The following ATCAY variants were observed in gnomAD, a reference collection of about 807,000 sequenced individuals.
ATCAY encodes caytaxin.
ATCAY carries 22 observed loss-of-function variants against 47.7 expected under a neutral mutation model. The observed-to-expected ratio is 0.46, with a 90% CI of 0.33 to 0.66. The LOEUF (loss-of-function observed/expected upper bound fraction) is 0.66, where lower values mean the gene tolerates loss of function less well. Among genes scored for constraint, ATCAY ranks in the 30% least tolerant of loss-of-function variants. The pLI is 0.02. For synonymous variants in ATCAY, 216 were observed against 207.6 expected, an observed-to-expected ratio of 1.04 and a Z score of -0.35; for missense variants, 452 against 515.0, an observed-to-expected ratio of 0.88 and a Z score of 1.18.
intron 2 of ATCAY, chr19:3,895,026 T>C: frequency 2.5e-6 from 1 of 404,486 alleles, no homozygotes; most frequent in Non-Finnish European, 5.1e-6. Context: ...TTTCTCTCTC[T>C]CTCCTCTCCT....
chr19:3,904,398 G>A (rs1299482901), intron 3 of ATCAY, among the ~76,000 whole-genome samples: 1 of 152,182 alleles, frequency 6.6e-6, no homozygotes, highest in Non-Finnish European at 1.5e-5. Context: ...TCTGTGATGT[G>A]GGTGGGCCTC....
At position 3,924,773 on chromosome 19, in the gene ATCAY, ATT is replaced by A. The variant is rs796133913; in HGVS notation, c.*192_*193del. ...CTTTTCAGCTGCTTGAAAACATTGT[ATT>A]TTTTTTTTTTAACGATGCAGTATTT... is the stretch of plus-strand genomic sequence containing the variant. On this transcript the variant is annotated 3_prime_UTR_variant, in exon 13 of 13. Transcript: ENST00000450849. 0.026 allele frequency: 12,436 copies of A among 480,598 alleles called. 1 individual carries two copies. The highest frequency in any genetic ancestry group is 0.072 in the East Asian group (1,507 of 20,952). The allele number at this position is 480,598 out of a possible 1,614,324, so 29.8% of individuals were successfully genotyped here.
chr19:3,913,551 G>A (rs1045068488), intron 8 of ATCAY, among the ~76,000 whole-genome samples: 2 of 152,076 alleles, frequency 1.3e-5, no homozygotes, highest in African/African-American at 2.4e-5. Flanking sequence ...CAAGGGCCTC[G>A]GCGCAGACCC....
chr19:3,907,559 C>T lies in ATCAY; in HGVS notation c.359-175C>T, dbSNP rs75927126. Reference sequence around the variant, plus strand: ...GGAGGAGGCGGCATTTGAGCCAGGCCTTGAAAGGGGAGTAGGAGAGGAAAA... The same window carrying T: ...GGAGGAGGCGGCATTTGAGCCAGGCTTTGAAAGGGGAGTAGGAGAGGAAAA... On this transcript the variant is annotated intron_variant, in intron 4 of 12. Transcript: ENST00000450849. The surrounding 1 kb of genome is among the most constrained non-coding windows in gnomAD (Gnocchi z 5.1). Among the ~76,000 whole-genome samples, 2,987 of 152,240 alleles carry T rather than the reference C, an allele frequency of 0.02. 47 individuals are homozygous for T. The highest frequency in any genetic ancestry group is 0.03 in the Non-Finnish European group (2,035 of 68,004).
In ATCAY at chr19:3,905,450, A is replaced by T; in HGVS notation, c.153A>T (p.Leu51=). 6.2e-7 allele frequency: 1 copy of T among 1,610,778 alleles called. No individual in the cohort carries two copies. ...VEDTSSPPNT[L]NFNGAHRKRK... is the part of the protein sequence containing the mutation. ...TCCCTGCAGCTCCTCCCAACACGCT[A>T]AATTTCAACGGAGCGCATCGTAAGA... The change falls in exon 4 of 13, where the codon CTA becomes CTT. Residue 51 remains leucine (L), a synonymous_variant. Coordinates refer to ENST00000450849, the MANE Select transcript of ATCAY (RefSeq NM_033064.5).
intron 2 of ATCAY, chr19:3,895,053 C>A (rs1048448073): frequency 6.3e-5 from 25 of 395,918 alleles, no homozygotes; most frequent in Non-Finnish European, 8.3e-5. Flanking sequence ...CATTCATTTT[C>A]TTTGCCGTAA....
Position 3,905,459 on chromosome 19 carries a change from C to A in ATCAY, c.162C>A (p.Asn54Lys), listed in dbSNP as rs373392142. Residue 54 changes from asparagine to lysine, a missense_variant, in exon 4 of 13, where the codon AAC (asparagine) becomes AAA (lysine). Asn to Lys is a moderately conservative substitution (Grantham distance 94). Coordinates refer to ENST00000450849, the MANE Select transcript of ATCAY (RefSeq NM_033064.5). ...CTCCTCCCAACACGCTAAATTTCAACGGAGCGCATCGTAAGAGGAAGACGC... is the reference window on the plus strand; with the variant it reads ...CTCCTCCCAACACGCTAAATTTCAAAGGAGCGCATCGTAAGAGGAAGACGC... ...TSSPPNTLNF[N>K]GAHRKRKTLV... The A allele has an allele frequency of 2.5e-6, 4 of 1,611,892 alleles. No homozygotes were observed. In the African/African-American group the frequency reaches 5.3e-5, roughly 22 times the overall value.
At chr19:3,918,706 C>T in intron 10 of ATCAY, 100 bp from the exon 11 acceptor site, 1 of 1,283,914 alleles carries the variant, frequency 7.8e-7, no homozygotes, top group Non-Finnish European at 1.1e-6. Flanking sequence ...AAACAGGTCC[C>T]AGGGGACAGG....
intron 2 of ATCAY, among the ~76,000 whole-genome samples, chr19:3,887,662 A>G (rs190714231): frequency 0.017 from 2,600 of 150,252 alleles, 59 homozygotes; most frequent in African/African-American, 0.058. Context: ...AATTTTTTGT[A>G]TTTTTAGTAG....
In ATCAY at chr19:3,908,632, C is replaced by T. The variant is rs73537500; in HGVS notation, c.647+262C>T. On this transcript the variant is annotated intron_variant, in intron 6 of 12. Coordinates refer to ENST00000450849, the MANE Select transcript of ATCAY (RefSeq NM_033064.5). ...TTCCCCTCCTCCTCACTGTCCTCCT[C>T]CTCCTCCCCTTCTTCCTCCCCCTTC... 5.7e-4 allele frequency among the ~76,000 whole-genome samples: 72 copies of T among 126,970 alleles called. 1 individual carries two copies. Among genetic ancestry groups the T allele is most frequent in the African/African-American group, 2.4e-3 (67 of 27,520 alleles). The allele number at this position is 126,970 out of a possible 152,430, so 83.3% of individuals were successfully genotyped here.
intron 12 of ATCAY, 63 bp from the exon 13 acceptor site, chr19:3,924,520 G>C (rs1010978917): frequency 3.1e-5 from 49 of 1,589,826 alleles, no homozygotes; most frequent in Non-Finnish European, 8.6e-6. Flanking sequence ...CATACATGTA[G>C]AAGCGCATTT....
At chr19:3,899,927 T>C (rs1357985507) in intron 2 of ATCAY, among the ~76,000 whole-genome samples, 1 of 152,158 alleles carries the variant, frequency 6.6e-6, no homozygotes, top group Non-Finnish European at 1.5e-5. Flanking sequence ...CCAGCATTTC[T>C]GTCTCAAAAA....
Position 3,905,469 on chromosome 19 carries a change from C to A in ATCAY, c.172C>A (p.Arg58Ser). The A allele has an allele frequency of 6.2e-7, 1 of 1,613,404 alleles. No individual in the cohort carries two copies. The highest frequency in any genetic ancestry group is 8.5e-7 in the Non-Finnish European group (1 of 1,179,632). Residue 58 changes from arginine (R) to serine (S), a missense_variant, in exon 4 of 13, where the codon CGT (arginine) becomes AGT (serine). Transcript: ENST00000450849. Reference sequence around the variant, plus strand: ...CACGCTAAATTTCAACGGAGCGCATCGTAAGAGGAAGACGCTGGTGGCCCC... The same window carrying A: ...CACGCTAAATTTCAACGGAGCGCATAGTAAGAGGAAGACGCTGGTGGCCCC... ...PNTLNFNGAH[R>S]KRKTLVAPEI...
At chr19:3,920,047 G>T (rs141809135) in intron 11 of ATCAY, among the ~76,000 whole-genome samples, 88 of 152,262 alleles carry the variant, frequency 5.8e-4, no homozygotes, top group Middle Eastern at 3.4e-3. Context: ...CCACGAACAG[G>T]TAGAAAATGC....
intron 6 of ATCAY, among the ~76,000 whole-genome samples, chr19:3,909,056 T>C (rs1390850723): frequency 3.8e-5 from 3 of 79,806 alleles, no homozygotes; most frequent in Non-Finnish European, 7.3e-5. Flanking sequence ...CTGGCCAACA[T>C]AGTGAAATCC....
At chr19:3,897,307 A>G (rs957045500) in intron 2 of ATCAY, among the ~76,000 whole-genome samples, 2 of 149,840 alleles carry the variant, frequency 1.3e-5, no homozygotes, top group South Asian at 4.2e-4. Flanking sequence ...CTATATCTAT[A>G]TCTATATCTA....
intron 2 of ATCAY, among the ~76,000 whole-genome samples, chr19:3,887,493 T>G (rs919682662): frequency 4.0e-5 from 6 of 150,708 alleles, no homozygotes; most frequent in Non-Finnish European, 8.9e-5. Flanking sequence ...ATTTATTTAT[T>G]TATTTATTTT....
chr19:3,888,349 G>A lies in ATCAY; in HGVS notation c.77+2505G>A, dbSNP rs192863003. ...AAGAGAATTGGAAAAGAATCTCCAG[G>A]CCGCGCACAGTGGCTCACGTCTGCA... On this transcript the variant is annotated intron_variant, in intron 2 of 12. Transcript: ENST00000450849. 2.2e-3 allele frequency among the ~76,000 whole-genome samples: 332 copies of A among 152,230 alleles called. 1 individual carries two copies. Among genetic ancestry groups the A allele is most frequent in the African/African-American group, 7.7e-3 (321 of 41,550 alleles).
rs1297177710 is a variant in ATCAY, at chr19:3,925,121, G to C, written c.*529G>C. The C allele has an allele frequency of 6.5e-6, 1 of 153,472 alleles. No individual in the cohort carries two copies. Among genetic ancestry groups the C allele is most frequent in the Non-Finnish European group, 1.5e-5 (1 of 68,942 alleles). 9.5% of individuals were successfully genotyped at this position (153,472 alleles called of 1,614,324 possible). On this transcript the variant is annotated 3_prime_UTR_variant, in exon 13 of 13. Transcript: ENST00000450849. The surrounding 1 kb of genome is among the most constrained non-coding windows in gnomAD (Gnocchi z 4.4). ...AGGGCCACGTCCTGGGGTAGCTCCT[G>C]ACCTCCGACCTTATGTCCAAATTTC... is the stretch of plus-strand genomic sequence containing the variant.
Sources: gnomAD v4.1 joint callset for allele counts (sites outside exome capture counted in the v4.1 genomes callset) on GRCh38, gnomAD v4.1.1 for gene constraint, Gnocchi (gnomAD v3.1) non-coding constraint, MANE v1.5 for transcripts, NCBI Gene and HGNC (gene_info 2026-07-23, HGNC 2026-07-21) for gene names.